The following ZMYM2 variants were observed in gnomAD, a reference collection of about 807,000 sequenced individuals.
ZMYM2 encodes the protein zinc finger MYM-type containing 2.
A neutral mutation model predicts 162.8 loss-of-function variants in ZMYM2; 56 were observed. The ratio of observed to expected loss-of-function variants is 0.34; its 90% confidence interval spans 0.28 to 0.43. The LOEUF (loss-of-function observed/expected upper bound fraction) is 0.43. Ranked by LOEUF, ZMYM2 falls within the 20% of genes least tolerant of loss-of-function variation. The pLI, the probability that ZMYM2 is intolerant of heterozygous loss-of-function variation, is 1.00. For synonymous variants in ZMYM2, 510 were observed against 541.6 expected (o/e 0.94, Z 0.81); for missense variants, 1,275 against 1,621.8 (o/e 0.79, Z 3.67).
In ZMYM2 at chr13:20,006,481, G is replaced by A. The variant is rs1594313942; in HGVS notation, c.1407G>A (p.Gln469=). ...ANGLIMNCCE[Q]CGEYLPSKGA... ...GTTTAATAATGAATTGCTGTGAACAGTGTGGAGAGTACTTGCCCAGTAAAG... is the reference window on the plus strand; with the variant it reads ...GTTTAATAATGAATTGCTGTGAACAATGTGGAGAGTACTTGCCCAGTAAAG... The change falls in exon 6 of 25, where the codon CAG becomes CAA. Residue 469 remains glutamine (Q), a synonymous_variant. Coordinates refer to ENST00000610343, the MANE Select transcript of ZMYM2 (RefSeq NM_197968.4). 6.2e-7 allele frequency: 1 copy of A among 1,613,696 alleles called. No individual in the cohort carries two copies. Among genetic ancestry groups the A allele is most frequent in the Non-Finnish European group, 8.5e-7 (1 of 1,179,756 alleles).
intron 21 of ZMYM2, 141 bp downstream of exon 21, chr13:20,067,531 A>G: frequency 5.8e-6 from 5 of 869,066 alleles, no homozygotes; most frequent in South Asian, 5.1e-5. Context: ...CCATTTATAT[A>G]TAAATGATAA....
chr13:19,915,214 G>A, the ZMYM2 span, among the ~76,000 whole-genome samples: 1 of 152,074 alleles, frequency 6.6e-6, no homozygotes, highest in African/African-American at 2.4e-5. Context: ...ACCTGCCTCA[G>A]CCTCCCAAAG....
At chr13:19,959,868 C>T (rs918299733) in intron 1 of ZMYM2, 90 bp from the exon 2 acceptor site, 2 of 152,212 alleles carry the variant, frequency 1.3e-5, no homozygotes, top group South Asian at 2.1e-4. Context: ...CCTCTTATTC[C>T]CTTCTCTGCC....
chr13:19,967,953 T>C (rs1566174242), intron 2 of ZMYM2, among the ~76,000 whole-genome samples: 1 of 152,222 alleles, frequency 6.6e-6, no homozygotes, highest in Admixed American at 6.5e-5. Context: ...TTCTGGCTTT[T>C]TCATTAGTCT....
chr13:19,931,845 C>T, the ZMYM2 span, among the ~76,000 whole-genome samples: 1 of 152,186 alleles, frequency 6.6e-6, no homozygotes, highest in African/African-American at 2.4e-5. Flanking sequence ...AGGCTGCTCC[C>T]AACTCCTGGG....
At chr13:20,002,133 G>C (rs1566265848) in intron 3 of ZMYM2, among the ~76,000 whole-genome samples, 1 of 152,130 alleles carries the variant, frequency 6.6e-6, no homozygotes, top group African/African-American at 2.4e-5. Flanking sequence ...AACATATATG[G>C]AAAAGCTGTT....
chr13:20,027,091 AAATAAT>A, intron 8 of ZMYM2, 106 bp from the exon 9 acceptor site: 1 of 748,410 alleles, frequency 1.3e-6, no homozygotes, highest in South Asian at 2.4e-5. Flanking sequence ...TTGAAGGTGC[AAATAAT>A]AATAGTTTAT....
At chr13:19,896,760 CAAA>C in the ZMYM2 span, among the ~76,000 whole-genome samples, 2 of 87,222 alleles carry the variant, frequency 2.3e-5, no homozygotes, top group African/African-American at 4.5e-5. Context: ...GACTCCATCT[CAAA>C]AAAAAAAAAA....
chr13:20,006,220 A>G (rs1950731639), intron 5 of ZMYM2, among the ~76,000 whole-genome samples, 154 bp from the exon 6 acceptor site: 1 of 142,150 alleles, frequency 7.0e-6, no homozygotes, highest in Non-Finnish European at 1.5e-5. Context: ...GTAATGAGTG[A>G]GACCCTGTCT....
chr13:19,983,034 A>G (rs1051304289), intron 2 of ZMYM2, among the ~76,000 whole-genome samples: 2 of 152,224 alleles, frequency 1.3e-5, no homozygotes, highest in African/African-American at 4.8e-5. Flanking sequence ...TTATGTAGAT[A>G]CAATTATTTT....
intron 12 of ZMYM2, among the ~76,000 whole-genome samples, chr13:20,046,156 G>T (rs183330656): frequency 4.7e-4 from 72 of 152,092 alleles, no homozygotes; most frequent in African/African-American, 1.7e-3. Context: ...GCAGGCTGAG[G>T]CAAGAGAATT....
intron 21 of ZMYM2, among the ~76,000 whole-genome samples, chr13:20,078,112 C>G (rs1219592948): frequency 1.3e-5 from 2 of 152,040 alleles, no homozygotes; most frequent in East Asian, 1.9e-4. Flanking sequence ...CCCCACTGCA[C>G]CTGGCCAGTT....
the ZMYM2 span, among the ~76,000 whole-genome samples, chr13:19,929,784 T>C: frequency 6.6e-6 from 1 of 152,244 alleles, no homozygotes; most frequent in Non-Finnish European, 1.5e-5. Flanking sequence ...ATTTCTCTCC[T>C]ATCCTCTGGA....
At chr13:19,982,281 CTTTTTT>C (rs56165263) in intron 2 of ZMYM2, among the ~76,000 whole-genome samples, 6 of 86,256 alleles carry the variant, frequency 7.0e-5, no homozygotes, top group South Asian at 1.1e-3. Context: ...TATTAGCTGT[CTTTTTT>C]TTTTTTTTTT....
chr13:19,906,739 T>G, the ZMYM2 span, among the ~76,000 whole-genome samples: 1 of 152,030 alleles, frequency 6.6e-6, no homozygotes, highest in African/African-American at 2.4e-5. Context: ...TTTAAATTTT[T>G]TTGTAGAGAT....
At chr13:19,883,895 T>C in the ZMYM2 span, among the ~76,000 whole-genome samples, 2 of 152,190 alleles carry the variant, frequency 1.3e-5, no homozygotes, top group African/African-American at 4.8e-5. Flanking sequence ...TAGCTGGGAT[T>C]ACAAGGGCCC....
the ZMYM2 span, among the ~76,000 whole-genome samples, chr13:19,878,502 T>C: frequency 1.3e-5 from 2 of 150,090 alleles, no homozygotes; most frequent in African/African-American, 4.9e-5. Flanking sequence ...GAAATGTCTA[T>C]TCAATTCCTT....
At chr13:19,962,186 C>G (rs1368309496) in intron 2 of ZMYM2, among the ~76,000 whole-genome samples, 1 of 152,002 alleles carries the variant, frequency 6.6e-6, no homozygotes. Context: ...CTTTGAACAA[C>G]AGTTTTTATT....
the ZMYM2 span, among the ~76,000 whole-genome samples, chr13:19,871,105 A>G: frequency 6.6e-6 from 1 of 151,554 alleles, no homozygotes; most frequent in African/African-American, 2.4e-5. Flanking sequence ...AAAATAGAAA[A>G]CAAAATAAAA....
Sources: allele counts gnomAD v4.1 joint callset (sites outside exome capture counted in the v4.1 genomes callset), GRCh38; gene constraint gnomAD v4.1.1; transcripts MANE v1.5; gene names NCBI Gene and HGNC (gene_info 2026-07-23, HGNC 2026-07-21).